ZFHX3: variants seen among roughly 807,000 people sequenced by gnomAD.
ZFHX3 encodes zinc finger homeobox 3.
Under a neutral mutation model 279.1 loss-of-function variants are expected in ZFHX3, and 42 were observed. That is an observed-to-expected ratio of 0.15 (90% CI 0.12 to 0.19). The LOEUF is 0.19. Among genes scored for constraint, ZFHX3 ranks in the 10% least tolerant of loss-of-function variants. The pLI, the probability that ZFHX3 is intolerant of heterozygous loss-of-function variation, is 1.00. For synonymous variants in ZFHX3, 2,293 were observed against 1,957.8 expected (o/e 1.17, Z -4.52); for missense variants, 4,981 against 4,754.0 (o/e 1.05, Z -1.40).
At chr16:72,850,422 G>C (rs2037587536) in intron 4 of ZFHX3, among the ~76,000 whole-genome samples, 1 of 152,256 alleles carries the variant, frequency 6.6e-6, no homozygotes, top group Admixed American at 6.5e-5. Flanking sequence ...CTATTTTCAT[G>C]TGTGTTGAAA....
At chr16:73,031,279 C>T (rs1023300692) in intron 1 of ZFHX3, among the ~76,000 whole-genome samples, 3 of 151,338 alleles carry the variant, frequency 2.0e-5, no homozygotes, top group South Asian at 2.1e-4. Context: ...AGCCTGGCGG[C>T]GGGGGGGGAA....
chr16:73,526,446 A>C (rs2019697187), intron 2 of ZFHX3, among the ~76,000 whole-genome samples: 1 of 152,042 alleles, frequency 6.6e-6, no homozygotes, highest in Non-Finnish European at 1.5e-5. Flanking sequence ...AAAAGATAAC[A>C]CCCTGACCTT....
chr16:73,662,504 G>A (rs567734832), intron 2 of ZFHX3, among the ~76,000 whole-genome samples: 4 of 152,152 alleles, frequency 2.6e-5, no homozygotes, highest in African/African-American at 9.6e-5. Flanking sequence ...CTAGGATGAT[G>A]TGGGAACCTT....
intron 1 of ZFHX3, among the ~76,000 whole-genome samples, chr16:72,974,326 G>A (rs1219886990): frequency 6.6e-6 from 1 of 152,194 alleles, no homozygotes; most frequent in Non-Finnish European, 1.5e-5. Flanking sequence ...CCGCCAAATG[G>A]CACACACAGG....
intron 1 of ZFHX3, among the ~76,000 whole-genome samples, chr16:73,876,146 T>C (rs1035700082): frequency 6.6e-6 from 1 of 152,232 alleles, no homozygotes; most frequent in African/African-American, 2.4e-5. Context: ...TGCGTGATCC[T>C]GGGGTTGTCC....
chr16:73,037,146 C>T (rs1400708955), intron 1 of ZFHX3, among the ~76,000 whole-genome samples: 5 of 152,166 alleles, frequency 3.3e-5, no homozygotes, highest in Admixed American at 2.6e-4. Context: ...AAGCGGAGTC[C>T]AAACTAGCTC....
chr16:73,756,064 C>T (rs2053805998), intron 1 of ZFHX3, among the ~76,000 whole-genome samples: 1 of 151,400 alleles, frequency 6.6e-6, no homozygotes, highest in Admixed American at 6.6e-5. Flanking sequence ...TCCTCCATGG[C>T]TGACTTTCTT....
rs1597235975 is a variant in ZFHX3, at chr16:72,794,206, C to A, written c.8476G>T (p.Asp2826Tyr). ...TCATCGTTGTCCAGCTTAGTTTGGT[C>A]AAAGTTTAGATTAACTGAGGACATG... ...PSMSSVNLNFDQTKLDNDDCS... is the reference protein window; with the variant it reads ...PSMSSVNLNFYQTKLDNDDCS... Residue 2826 changes from aspartate (D) to tyrosine (Y), a missense_variant, in exon 9 of 10, where the codon GAC becomes TAC. Physicochemically the swap from Asp to Tyr is radical, Grantham distance 160. Coordinates refer to ENST00000268489, the MANE Select transcript of ZFHX3 (RefSeq NM_006885.4). This position sits in a 1 kb window ranked among gnomAD's most constrained non-coding sequence, Gnocchi z 4.2. 6.2e-7 allele frequency: 1 copy of A among 1,614,108 alleles called. No homozygotes were observed. The highest frequency in any genetic ancestry group is 2.2e-5 in the East Asian group (1 of 44,880).
intron 5 of ZFHX3, among the ~76,000 whole-genome samples, chr16:73,229,882 T>C (rs914853178): frequency 9.2e-5 from 14 of 152,236 alleles, no homozygotes; most frequent in Middle Eastern, 3.2e-3. Flanking sequence ...TCTAGGATTC[T>C]GCTAAGATTA....
In ZFHX3 at chr16:72,794,320, C is replaced by T; in HGVS notation, c.8362G>A (p.Val2788Met). 1 of 1,607,344 alleles carries T rather than the reference C, an allele frequency of 6.2e-7. No individual in the cohort carries two copies. Among genetic ancestry groups the T allele is most frequent in the African/African-American group, 1.3e-5 (1 of 74,862 alleles). Residue 2788 changes from valine (V) to methionine (M), a missense_variant, in exon 9 of 10, where the codon GTG becomes ATG. This residue lies in a region of ZFHX3 where 744 missense variants were observed against 701.3 expected (regional missense o/e 1.06). Coordinates refer to ENST00000268489, the MANE Select transcript of ZFHX3 (RefSeq NM_006885.4). This position sits in a 1 kb window ranked among gnomAD's most constrained non-coding sequence, Gnocchi z 4.2. The stretch of plus-strand genomic sequence containing the variant: ...GGTGACAATTCCATGGTTTTACTCA[C>T]AGGTGAGAGGGGGACACCCTGACCA... ...SDGQGVPLSP[V>M]SKTMELSPRT...
chr16:73,032,535 A>G (rs958158746), intron 1 of ZFHX3, among the ~76,000 whole-genome samples: 1 of 152,178 alleles, frequency 6.6e-6, no homozygotes, highest in Admixed American at 6.5e-5. Flanking sequence ...AGGAACCTAG[A>G]AAACTTCTCT....
At chr16:73,779,722 G>A (rs1325912541) in intron 1 of ZFHX3, among the ~76,000 whole-genome samples, 1 of 152,062 alleles carries the variant, frequency 6.6e-6, no homozygotes, top group African/African-American at 2.4e-5. Context: ...GTAATCCCAA[G>A]CCTTTCCTTT....
chr16:73,300,986 C>T (rs112026834), intron 4 of ZFHX3, among the ~76,000 whole-genome samples: 4 of 152,156 alleles, frequency 2.6e-5, no homozygotes, highest in African/African-American at 9.7e-5. Flanking sequence ...GATGGGTGGA[C>T]CCTCCTCCAA....
At position 72,795,634 on chromosome 16, in the gene ZFHX3, G is replaced by T. The variant is rs1567515800; in HGVS notation, c.7048C>A (p.Leu2350Met). The T allele has an allele frequency of 1.2e-6, 2 of 1,613,780 alleles. No individual in the cohort carries two copies. Among genetic ancestry groups the T allele is most frequent in the Admixed American group, 1.7e-5 (1 of 59,988 alleles). Reference sequence around the variant, plus strand: ...TCCTCATCCTCATCCTTGTAACACAGCTTCTTCTGGTGCTTGATGAGATCA... The same window carrying T: ...TCCTCATCCTCATCCTTGTAACACATCTTCTTCTGGTGCTTGATGAGATCA... ...IFDLIKHQKKLCYKDEDEEGQ... is the reference protein window; with the variant it reads ...IFDLIKHQKKMCYKDEDEEGQ... Residue 2350 changes from leucine to methionine, a missense_variant, in exon 9 of 10, where the codon CTG becomes ATG. Around this residue, in one of 7 missense-constraint regions of ZFHX3, gnomAD observed 744 missense variants for 701.3 expected, o/e 1.06. Transcript: ENST00000268489.
At chr16:73,810,388 TA>T (rs1597125980) in intron 1 of ZFHX3, among the ~76,000 whole-genome samples, 1 of 152,190 alleles carries the variant, frequency 6.6e-6, no homozygotes, top group Non-Finnish European at 1.5e-5. Flanking sequence ...AAAGGTTCTT[TA>T]AAAAGATAAG....
In ZFHX3 at chr16:72,959,251, T is replaced by C; in HGVS notation, c.895A>G (p.Thr299Ala). The stretch of plus-strand genomic sequence containing the variant: ...ATTCGATGGTCATGCACCGCGTGGG[T>C]CACAAACGAACGGACGTACCCAAAG... ...LSFGYVRSFVTHAVHDHRMTL... is the reference protein window; with the variant it reads ...LSFGYVRSFVAHAVHDHRMTL... The change falls in exon 2 of 10, where the codon ACC (threonine) becomes GCC (alanine). Residue 299 changes from threonine (T) to alanine (A), a missense_variant. By Grantham distance (58) the Thr-to-Ala change is moderately conservative. Around this residue, in one of 7 missense-constraint regions of ZFHX3, gnomAD observed 1,068 missense variants for 935.2 expected, o/e 1.14. Coordinates refer to ENST00000268489, the MANE Select transcript of ZFHX3 (RefSeq NM_006885.4). The C allele has an allele frequency of 1.2e-6, 2 of 1,614,172 alleles. No individual in the cohort carries two copies. Among genetic ancestry groups the C allele is most frequent in the Non-Finnish European group, 1.7e-6 (2 of 1,180,018 alleles).
rs561477966 is a variant in ZFHX3, at chr16:73,089,164, C to T, written c.-533+4071G>A. 5.9e-5 allele frequency among the ~76,000 whole-genome samples: 9 copies of T among 152,082 alleles called. No homozygotes were observed. In the East Asian group the frequency reaches 7.7e-4, roughly 13 times the overall value. On this transcript the variant is annotated intron_variant, in intron 8 of 17. Coordinates refer to the ZFHX3 transcript ENST00000641206. ...TGTCGCCCAGGCTGGAGTGCAGTGA[C>T]GCGATCTCAGCTCACTGCAACCTCC...
Position 72,798,719 on chromosome 16 carries a change from T to TA in ZFHX3, c.3968-6dup, listed in dbSNP as rs75174704. On this transcript the variant is annotated splice_region_variant and splice_polypyrimidine_tract_variant and intron_variant, in intron 8 of 9. Coordinates refer to ENST00000268489, the MANE Select transcript of ZFHX3 (RefSeq NM_006885.4). ...TTCCCAGATCCTCTGAGGTTTCTGT[T>TA]AAAAAAAAAAAAAAAATCAAACCCA... 0.033 allele frequency: 44,962 copies of TA among 1,367,344 alleles called. 380 individuals are homozygous for TA. Among genetic ancestry groups the TA allele is most frequent in the African/African-American group, 0.14 (9,368 of 66,122 alleles). 84.7% of individuals were successfully genotyped at this position (1,367,344 alleles called of 1,614,324 possible).
intron 5 of ZFHX3, among the ~76,000 whole-genome samples, chr16:73,202,957 TTC>T (rs1031712956): frequency 2.0e-5 from 3 of 150,910 alleles, no homozygotes; most frequent in Admixed American, 6.6e-5. Flanking sequence ...ACTTTTTTTT[TTC>T]TTTTTCGTTC....
Sources: allele counts gnomAD v4.1 joint callset (sites outside exome capture counted in the v4.1 genomes callset), GRCh38; gene constraint gnomAD v4.1.1; regional missense constraint gnomAD v4.1.1; non-coding constraint Gnocchi (gnomAD v3.1); transcripts MANE v1.5; gene names NCBI Gene and HGNC (gene_info 2026-07-23, HGNC 2026-07-21).